The following ZC3H13 variants were observed in gnomAD, a reference collection of about 807,000 sequenced individuals.
ZC3H13 encodes the protein zinc finger CCCH-type containing 13, also known as zinc finger CCCH domain-containing protein 13.
In ZC3H13, 64 loss-of-function variants were observed where a neutral mutation model predicts 204.1. The ratio of observed to expected loss-of-function variants is 0.31; its 90% CI spans 0.26 to 0.39. The LOEUF (loss-of-function observed/expected upper bound fraction) is 0.39, where lower values mean the gene tolerates loss of function less well. ZC3H13 is among the 10% of genes least tolerant of loss of function. ZC3H13 has a pLI of 1.00. For synonymous variants in ZC3H13, 667 were observed against 693.7 expected, an observed-to-expected ratio of 0.96 and a Z score of 0.60; for missense variants, 1,833 against 2,082.7, an observed-to-expected ratio of 0.88 and a Z score of 2.33.
intron 5 of ZC3H13, among the ~76,000 whole-genome samples, chr13:46,014,254 TTGTACCTATAGGTACAGGTTGA>T (rs776521051): frequency 2.0e-5 from 3 of 152,088 alleles, no homozygotes; most frequent in Non-Finnish European, 2.9e-5. Context: ...CCATGGTGGT[TTGTACCTATAGGTACAGGTTGA>T]TGTACCTATC....
chr13:45,988,988 T>C lies in ZC3H13; in HGVS notation c.1054A>G (p.Lys352Glu), dbSNP rs2039770192. 7.4e-6 allele frequency: 12 copies of C among 1,613,954 alleles called. No individual in the cohort carries two copies. The East Asian group carries it at 2.7e-4, about 36-fold the overall frequency. ...TGATAAGATGGTGAAGGAGTTCTTT[T>C]TCGACGAGGAGAAGGAGAATGTCTT... ...IQRHSPSPRR[K>E]RTPSPSYQRT... Residue 352 changes from lysine to glutamate, a missense_variant, in exon 9 of 19, where the codon AAA becomes GAA. Lys to Glu is a moderately conservative substitution (Grantham distance 56). Transcript: ENST00000679008.
Position 45,988,815 on chromosome 13 carries a change from A to C in ZC3H13, c.1227T>G (p.Ser409=), listed in dbSNP as rs368624882. Reference sequence around the variant, plus strand: ...CCCTCCTTTCATGGCGTCGATCATGAGACTGTGAAGTTCGTTCATGATCAT... The same window carrying C: ...CCCTCCTTTCATGGCGTCGATCATGCGACTGTGAAGTTCGTTCATGATCAT... ...GRHDHERTSQ[S]HDRRHERRED... is the part of the protein sequence containing the mutation. The change falls in exon 9 of 19, where the codon TCT becomes TCG. Residue 409 remains serine (S), a synonymous_variant. Coordinates refer to ENST00000679008, the MANE Select transcript of ZC3H13 (RefSeq NM_001330564.2). 11 of 1,613,466 alleles carry C rather than the reference A, an allele frequency of 6.8e-6. No individual in the cohort carries two copies. In the African/African-American group the frequency reaches 1.5e-4, roughly 22 times the overall value.
At chr13:45,973,873 G>A (rs1194580864) in intron 12 of ZC3H13, among the ~76,000 whole-genome samples, 1 of 152,176 alleles carries the variant, frequency 6.6e-6, no homozygotes, top group Non-Finnish European at 1.5e-5. Context: ...AATGTAAGGA[G>A]AGGGAAGCAG....
chr13:45,988,747 T>C, intron 9 of ZC3H13, 40 bp downstream of exon 9: 1 of 1,557,838 alleles, frequency 6.4e-7, no homozygotes, highest in Non-Finnish European at 8.7e-7. Flanking sequence ...AAGCTGGATG[T>C]TCAATTTTTC....
At chr13:45,987,194 T>C (rs2039604847) in intron 9 of ZC3H13, among the ~76,000 whole-genome samples, 1 of 152,174 alleles carries the variant, frequency 6.6e-6, no homozygotes, top group African/African-American at 2.4e-5. Context: ...GAAAATGACA[T>C]CTAAATAGAG....
At chr13:46,004,176 G>A (rs1204099577) in intron 7 of ZC3H13, among the ~76,000 whole-genome samples, 1 of 151,494 alleles carries the variant, frequency 6.6e-6, no homozygotes, top group Admixed American at 6.6e-5. Context: ...TACATTCATG[G>A]GATATCCTAT....
intron 4 of ZC3H13, among the ~76,000 whole-genome samples, chr13:46,029,671 G>A (rs1013766359): frequency 3.3e-5 from 5 of 151,518 alleles, no homozygotes; most frequent in South Asian, 2.1e-4. Context: ...CTCGTGATCC[G>A]CCCGCCTCGG....
chr13:45,985,253 C>A (rs1436251464), intron 10 of ZC3H13, 44 bp downstream of exon 10: 2 of 1,487,236 alleles, frequency 1.3e-6, no homozygotes, highest in South Asian at 1.4e-5. Flanking sequence ...AGATTTTATA[C>A]TTTCTATATA....
chr13:46,048,011 T>C (rs943333627), intron 1 of ZC3H13, among the ~76,000 whole-genome samples: 2 of 152,156 alleles, frequency 1.3e-5, no homozygotes, highest in South Asian at 2.1e-4. Flanking sequence ...ACCCCCAACA[T>C]GCCTCCACTC....
intron 4 of ZC3H13, among the ~76,000 whole-genome samples, chr13:46,038,551 T>C (rs764783191): frequency 2.5e-4 from 38 of 152,328 alleles, no homozygotes; most frequent in Non-Finnish European, 4.6e-4. Flanking sequence ...GCTAATTTGC[T>C]GAAAATCACA....
At chr13:45,994,068 C>T (rs547618672) in intron 8 of ZC3H13, among the ~76,000 whole-genome samples, 8 of 152,334 alleles carry the variant, frequency 5.3e-5, no homozygotes, top group South Asian at 2.1e-4. Context: ...GCAAGAACAA[C>T]GCCTCCTTTT....
intron 4 of ZC3H13, among the ~76,000 whole-genome samples, chr13:46,036,644 G>C (rs528101812): frequency 6.6e-6 from 1 of 152,172 alleles, no homozygotes; most frequent in East Asian, 1.9e-4. Flanking sequence ...AAAATAACAG[G>C]TAAAGAAAAA....
At chr13:45,984,481 A>T (rs1247868938) in intron 10 of ZC3H13, among the ~76,000 whole-genome samples, 1 of 152,138 alleles carries the variant, frequency 6.6e-6, no homozygotes, top group Non-Finnish European at 1.5e-5. Context: ...TTATAAATTG[A>T]TTAAGTTGAT....
intron 4 of ZC3H13, 67 bp from the exon 5 acceptor site, chr13:46,020,624 TAA>T (rs2042166176): frequency 3.9e-6 from 4 of 1,018,130 alleles, no homozygotes; most frequent in South Asian, 3.2e-5. Flanking sequence ...TTTATTGTAA[TAA>T]GAGAACATTT....
At chr13:45,981,270 T>A (rs1380939049) in intron 10 of ZC3H13, among the ~76,000 whole-genome samples, 2 of 152,164 alleles carry the variant, frequency 1.3e-5, no homozygotes, top group African/African-American at 4.8e-5. Context: ...AAAGAACATA[T>A]GATGATTTCC....
At chr13:45,960,759 G>A (rs1246279616) in intron 17 of ZC3H13, among the ~76,000 whole-genome samples, 2 of 152,154 alleles carry the variant, frequency 1.3e-5, no homozygotes, top group Non-Finnish European at 2.9e-5. Context: ...CATACAACAC[G>A]CTCAAGCAGG....
intron 17 of ZC3H13, chr13:45,962,333 A>C: frequency 7.1e-6 from 7 of 985,466 alleles, no homozygotes; most frequent in Non-Finnish European, 8.4e-6. Flanking sequence ...GTCATCAATA[A>C]GTAAGGGCCG....
In ZC3H13 at chr13:46,016,449, A is replaced by G. The variant is rs561256269; in HGVS notation, c.448+4000T>C. Among the ~76,000 whole-genome samples, 4 of 152,322 alleles carry G rather than the reference A, an allele frequency of 2.6e-5. No homozygotes were observed. The South Asian group carries it at 8.3e-4, about 32-fold the overall frequency. ...TGTGAAATAAAGTACAATCTCAGAT[A>G]ATACTGTTAACAAAAGAAGCTAGGC... On this transcript the variant is annotated intron_variant, in intron 5 of 18. Coordinates refer to ENST00000679008, the MANE Select transcript of ZC3H13 (RefSeq NM_001330564.2).
intron 3 of ZC3H13, among the ~76,000 whole-genome samples, chr13:46,044,532 G>C (rs2043813263): frequency 6.6e-6 from 1 of 151,966 alleles, no homozygotes; most frequent in African/African-American, 2.4e-5. Context: ...TTAACCTATA[G>C]AATTTGTACA....
Sources: gnomAD v4.1 joint callset for allele counts (sites outside exome capture counted in the v4.1 genomes callset) on GRCh38, gnomAD v4.1.1 for gene constraint, MANE v1.5 for transcripts, NCBI Gene and HGNC (gene_info 2026-07-23, HGNC 2026-07-21) for gene names.